Variants in CALD1 observed in about 807,000 individuals in gnomAD.
CALD1 encodes the protein caldesmon.
A neutral mutation model predicts 99.9 loss-of-function variants in CALD1; 33 were observed. The ratio of observed to expected loss-of-function variants is 0.33; its 90% confidence interval spans 0.25 to 0.44. CALD1 has a LOEUF of 0.44. CALD1 is among the 20% of genes least tolerant of loss of function. CALD1 has a pLI of 1.00. For synonymous variants in CALD1, 310 were observed against 325.0 expected, an observed-to-expected ratio of 0.95 and a Z score of 0.50; for missense variants, 861 against 962.1, an observed-to-expected ratio of 0.89 and a Z score of 1.39.
At chr7:134,898,049 C>A (rs1374252951) in intron 3 of CALD1, among the ~76,000 whole-genome samples, 1 of 152,076 alleles carries the variant, frequency 6.6e-6, no homozygotes, top group Non-Finnish European at 1.5e-5. Context: ...CTCATCCTCC[C>A]GAGAAGCTGG....
intron 1 of CALD1, among the ~76,000 whole-genome samples, chr7:134,784,873 T>C (rs1444104859): frequency 1.3e-5 from 2 of 152,192 alleles, no homozygotes; most frequent in African/African-American, 2.4e-5. Context: ...CTCTTTCTGT[T>C]GTTCTATCAA....
intron 1 of CALD1, among the ~76,000 whole-genome samples, chr7:134,797,176 G>A (rs1164152935): frequency 6.6e-6 from 1 of 152,084 alleles, no homozygotes; most frequent in African/African-American, 2.4e-5. Flanking sequence ...GTAGAGACGA[G>A]GTTTCATTAT....
chr7:134,733,473 G>A, the CALD1 span, among the ~76,000 whole-genome samples: 19 of 152,244 alleles, frequency 1.2e-4, no homozygotes, highest in East Asian at 2.5e-3. Flanking sequence ...TATTTTGTAC[G>A]TCTTTTTATC....
chr7:134,948,300 G>A (rs1171846016), intron 8 of CALD1, among the ~76,000 whole-genome samples: 1 of 143,562 alleles, frequency 7.0e-6, no homozygotes, highest in South Asian at 2.2e-4. Context: ...GTTCATTACT[G>A]TATACCCAGG....
intron 1 of CALD1, among the ~76,000 whole-genome samples, chr7:134,753,689 C>T (rs747329877): frequency 1.1e-4 from 16 of 152,160 alleles, no homozygotes; most frequent in Non-Finnish European, 2.1e-4. Flanking sequence ...CACAGGACAA[C>T]GGTGGGGCCT....
chr7:134,742,268 C>T (rs561467443), upstream of CALD1, among the ~76,000 whole-genome samples: 3 of 152,162 alleles, frequency 2.0e-5, no homozygotes, highest in Non-Finnish European at 4.4e-5. Context: ...TGAAAAAACT[C>T]AAAGTGACAT....
intron 2 of CALD1, among the ~76,000 whole-genome samples, chr7:134,849,064 T>G (rs1480598966): frequency 1.3e-5 from 2 of 152,226 alleles, no homozygotes; most frequent in Non-Finnish European, 2.9e-5. Flanking sequence ...ATTTTGTGAA[T>G]CCAATGACGT....
intron 3 of CALD1, among the ~76,000 whole-genome samples, chr7:134,914,188 C>T (rs1002668049): frequency 1.9e-4 from 29 of 152,090 alleles, no homozygotes; most frequent in African/African-American, 6.8e-4. Flanking sequence ...CAATTTAATA[C>T]GAGGTGGGCA....
At chr7:134,870,792 C>T (rs1010050237) in intron 3 of CALD1, among the ~76,000 whole-genome samples, 5 of 151,440 alleles carry the variant, frequency 3.3e-5, no homozygotes, top group African/African-American at 1.2e-4. Flanking sequence ...ATTCCTTATA[C>T]TTGTACTAAG....
intron 1 of CALD1, among the ~76,000 whole-genome samples, chr7:134,748,721 C>CA (rs200698247): frequency 1.9e-4 from 27 of 143,806 alleles, no homozygotes; most frequent in South Asian, 1.4e-3. Context: ...CCCCGCCCCC[C>CA]AAAAAAAACC....
Position 134,959,165 on chromosome 7 carries a change from G to GT in CALD1, c.2062-802dup, listed in dbSNP as rs199571200. Reference sequence around the variant, plus strand: ...CAGCTGACTGTCTTGTTTTTTGTTTGTTTTTTTGTTTTTTATTTTTATTTT... The same window carrying GT: ...CAGCTGACTGTCTTGTTTTTTGTTTGTTTTTTTTGTTTTTTATTTTTATTTT... On this transcript the variant is annotated intron_variant, in intron 11 of 14. Transcript: ENST00000361675. 7.3e-5 allele frequency among the ~76,000 whole-genome samples: 11 copies of GT among 150,800 alleles called. No homozygotes were observed. In the East Asian group the frequency reaches 1.2e-3, roughly 16 times the overall value.
At chr7:134,946,233 T>C (rs1806863538) in intron 7 of CALD1, among the ~76,000 whole-genome samples, 1 of 152,148 alleles carries the variant, frequency 6.6e-6, no homozygotes, top group South Asian at 2.1e-4. Flanking sequence ...ATATAATACA[T>C]AAGCCCATGC....
chr7:134,834,590 A>G (rs974185000), intron 1 of CALD1, among the ~76,000 whole-genome samples: 3 of 152,228 alleles, frequency 2.0e-5, no homozygotes, highest in Admixed American at 1.3e-4. Context: ...AATGTTGCCA[A>G]TAATACTTGT....
intron 2 of CALD1, among the ~76,000 whole-genome samples, chr7:134,846,285 GC>G (rs1361640489): frequency 6.7e-6 from 1 of 149,314 alleles, no homozygotes; most frequent in Non-Finnish European, 1.5e-5. Context: ...TGCCTCTTTT[GC>G]CCTGAACTCC....
At chr7:134,892,320 C>G (rs1802259193) in intron 3 of CALD1, among the ~76,000 whole-genome samples, 1 of 152,158 alleles carries the variant, frequency 6.6e-6, no homozygotes, top group African/African-American at 2.4e-5. Flanking sequence ...ACTCAACTTA[C>G]CCCAAAGCAG....
At chr7:134,748,246 A>G (rs375146230) in intron 1 of CALD1, among the ~76,000 whole-genome samples, 10 of 152,344 alleles carry the variant, frequency 6.6e-5, no homozygotes, top group East Asian at 3.9e-4. Context: ...AGCACTTAAC[A>G]TGTTTAATTT....
At chr7:134,909,851 A>G (rs910194482) in intron 3 of CALD1, among the ~76,000 whole-genome samples, 1 of 152,216 alleles carries the variant, frequency 6.6e-6, no homozygotes, top group Admixed American at 6.5e-5. Flanking sequence ...GAAACCCAAT[A>G]AAAGGTACAA....
In CALD1 at chr7:134,783,992, G is replaced by A. The variant is rs186405356; in HGVS notation, c.-130+4243G>A. On this transcript the variant is annotated intron_variant, in intron 1 of 14. Transcript: ENST00000361675. This position sits in a 1 kb window ranked among gnomAD's most constrained non-coding sequence, Gnocchi z 4.3. ...CAGGAATGGCTGCTATTAAGTGTAC[G>A]TAAAAAGAACACCCAGAAGTTAATA... is the stretch of plus-strand genomic sequence containing the variant. 3.8e-3 allele frequency among the ~76,000 whole-genome samples: 576 copies of A among 152,264 alleles called. 2 individuals carry two copies. Among genetic ancestry groups the A allele is most frequent in the Admixed American group, 6.3e-3 (97 of 15,290 alleles).
chr7:134,855,979 T>C (rs781020882), intron 2 of CALD1, among the ~76,000 whole-genome samples: 1 of 152,232 alleles, frequency 6.6e-6, no homozygotes, highest in Non-Finnish European at 1.5e-5. Context: ...CTGTTGCTGC[T>C]GCTTCTTAGA....
Sources: gnomAD v4.1 joint callset for allele counts (sites outside exome capture counted in the v4.1 genomes callset) on GRCh38, gnomAD v4.1.1 for gene constraint, Gnocchi (gnomAD v3.1) non-coding constraint, MANE v1.5 for transcripts, NCBI Gene and HGNC (gene_info 2026-07-23, HGNC 2026-07-21) for gene names.